USP46: variants seen among roughly 807,000 people sequenced by gnomAD.
USP46 encodes ubiquitin specific peptidase 46.
In USP46, 12 loss-of-function variants were observed where a neutral mutation model predicts 44.4. The observed-to-expected ratio is 0.27, with a 90% CI of 0.17 to 0.44. USP46 has a LOEUF of 0.44. Ranked by LOEUF, USP46 falls within the 20% of genes least tolerant of loss-of-function variation. USP46 has a pLI of 1.00. For synonymous variants in USP46, 155 were observed against 161.5 expected (o/e 0.96, Z 0.31); for missense variants, 248 against 444.8 (o/e 0.56, Z 3.98).
At chr4:52,611,966 C>A (rs1246218322) in intron 4 of USP46, among the ~76,000 whole-genome samples, 1 of 152,138 alleles carries the variant, frequency 6.6e-6, no homozygotes, top group African/African-American at 2.4e-5. Context: ...CCGTCTCTGC[C>A]GTTTATATAA....
At chr4:52,632,990 A>AAAGAAAGAAAGAAAGAAAGAAAGAAAAG in intron 1 of USP46, among the ~76,000 whole-genome samples, 3 of 66,294 alleles carry the variant, frequency 4.5e-5, no homozygotes, top group African/African-American at 1.2e-4. Flanking sequence ...GAAAGAAAAG[A>AAAGAAAGAAAGAAAGAAAGAAAGAAAAG]AAAGAAAGAA....
chr4:52,610,499 C>G (rs375740239), intron 5 of USP46, 42 bp downstream of exon 5: 1 of 1,570,742 alleles, frequency 6.4e-7, no homozygotes, highest in African/African-American at 1.4e-5. Context: ...CACTTAGTTA[C>G]AAGCCTGATC....
intron 3 of USP46, 58 bp from the exon 4 acceptor site, chr4:52,626,305 A>ACACTAATTACATCCAT: frequency 1.4e-6 from 2 of 1,440,416 alleles, no homozygotes; most frequent in Non-Finnish European, 1.9e-6. Flanking sequence ...AATGGATGTA[A>ACACTAATTACATCCAT]TTAGTGTTAC....
At position 52,593,145 on chromosome 4, in the gene USP46, T is replaced by C; in HGVS notation, c.*4495A>G. ...ATGGAAATGGAAGGCTTCATTTTTT[T>C]AGTAAAGGTATTTTAAGTATCAATA... On this transcript the variant is annotated 3_prime_UTR_variant, in exon 9 of 9. Transcript: ENST00000441222. 7.7e-6 allele frequency: 3 copies of C among 391,992 alleles called. No individual in the cohort carries two copies. The highest frequency in any genetic ancestry group is 1.3e-5 in the Non-Finnish European group (3 of 222,540). The allele number at this position is 391,992 out of a possible 1,614,324, so 24.3% of individuals were successfully genotyped here. A position where few individuals can be genotyped will look rare whatever the true frequency, so the allele number is the denominator to read the frequency against.
At chr4:52,598,182 C>CCA (rs1716318173) in intron 8 of USP46, among the ~76,000 whole-genome samples, 1 of 152,118 alleles carries the variant, frequency 6.6e-6, no homozygotes, top group African/African-American at 2.4e-5. Context: ...AAAATCAATA[C>CCA]ATAGAATGTA....
At chr4:52,652,148 T>A (rs944706980) in intron 1 of USP46, among the ~76,000 whole-genome samples, 1 of 152,008 alleles carries the variant, frequency 6.6e-6, no homozygotes, top group African/African-American at 2.4e-5. Context: ...ATGTTCAACC[T>A]CCCCTAGCAA....
chr4:52,602,403 A>G (rs1400627743), intron 6 of USP46, among the ~76,000 whole-genome samples: 2 of 152,160 alleles, frequency 1.3e-5, no homozygotes, highest in East Asian at 3.9e-4. Context: ...GAGATGATGG[A>G]GAGGAAGGTT....
At chr4:52,632,390 T>C (rs1717862970) in intron 1 of USP46, among the ~76,000 whole-genome samples, 1 of 152,170 alleles carries the variant, frequency 6.6e-6, no homozygotes, top group Non-Finnish European at 1.5e-5. Flanking sequence ...GGGAAGCAAG[T>C]AAAATAAGGC....
At chr4:52,639,361 T>C (rs1718242131) in intron 1 of USP46, among the ~76,000 whole-genome samples, 2 of 152,212 alleles carry the variant, frequency 1.3e-5, no homozygotes, top group South Asian at 4.1e-4. Flanking sequence ...GGATGCAGCG[T>C]GGGCCTGATA....
chr4:52,638,686 G>A (rs1718215362), intron 1 of USP46, among the ~76,000 whole-genome samples: 1 of 149,540 alleles, frequency 6.7e-6, no homozygotes, highest in Non-Finnish European at 1.5e-5. Context: ...ATTACTCGTG[G>A]GAGCAAAGAA....
intron 7 of USP46, among the ~76,000 whole-genome samples, chr4:52,598,993 A>G (rs924261730): frequency 7.2e-5 from 11 of 152,208 alleles, no homozygotes; most frequent in African/African-American, 2.4e-4. Context: ...ATTCTGTGCC[A>G]GGCCCTATTC....
intron 4 of USP46, among the ~76,000 whole-genome samples, chr4:52,618,621 C>T (rs920609735): frequency 6.6e-6 from 1 of 152,164 alleles, no homozygotes; most frequent in African/African-American, 2.4e-5. Context: ...ATATTCCTTT[C>T]TTGGGTTCAG....
chr4:52,620,929 T>C (rs1717351109), intron 4 of USP46, among the ~76,000 whole-genome samples: 1 of 152,164 alleles, frequency 6.6e-6, no homozygotes, highest in Non-Finnish European at 1.5e-5. Context: ...CAGAATACCA[T>C]ACAGCAATAA....
At chr4:52,613,095 G>A (rs1184035462) in intron 4 of USP46, among the ~76,000 whole-genome samples, 4 of 152,174 alleles carry the variant, frequency 2.6e-5, no homozygotes, top group African/African-American at 9.7e-5. Flanking sequence ...ACACTTGGAG[G>A]AGGAGAGCTG....
chr4:52,631,001 A>C, intron 2 of USP46, 63 bp downstream of exon 2: 1 of 1,377,484 alleles, frequency 7.3e-7, no homozygotes, highest in South Asian at 1.3e-5. Context: ...AAATGCACTT[A>C]AAGTGGAGTT....
intron 1 of USP46, among the ~76,000 whole-genome samples, chr4:52,644,277 C>A (rs187711033): frequency 1.3e-5 from 2 of 152,166 alleles, no homozygotes; most frequent in Non-Finnish European, 2.9e-5. Context: ...TATTCCACAA[C>A]CCTGGCTCCT....
chr4:52,626,846 G>C (rs1348235292), intron 3 of USP46, among the ~76,000 whole-genome samples: 1 of 152,080 alleles, frequency 6.6e-6, no homozygotes, highest in Non-Finnish European at 1.5e-5. Flanking sequence ...GAAGTTATCA[G>C]ATAAGTTCCC....
chr4:52,622,255 T>C (rs1032826776), intron 4 of USP46, among the ~76,000 whole-genome samples: 1 of 152,252 alleles, frequency 6.6e-6, no homozygotes, highest in Non-Finnish European at 1.5e-5. Context: ...GTTGGGCATA[T>C]GGATTTTTTA....
At chr4:52,634,678 G>A (rs1718045731) in intron 1 of USP46, among the ~76,000 whole-genome samples, 1 of 152,004 alleles carries the variant, frequency 6.6e-6, no homozygotes, top group South Asian at 2.1e-4. Flanking sequence ...ACCTGCCTCG[G>A]CCTCCCAAAG....
Sources: allele counts gnomAD v4.1 joint callset (sites outside exome capture counted in the v4.1 genomes callset), GRCh38; gene constraint gnomAD v4.1.1; transcripts MANE v1.5; gene names NCBI Gene and HGNC (gene_info 2026-07-23, HGNC 2026-07-21).